Variants in SCLY observed in about 807,000 individuals in gnomAD.
The protein encoded by SCLY is putative selenocysteine lyase.
Under a neutral mutation model 50.1 loss-of-function variants are expected in SCLY, and 38 were observed. That is an observed-to-expected ratio of 0.76 (90% CI 0.59 to 0.99). The LOEUF is 0.99. Among genes scored for constraint, SCLY ranks in the 50% least tolerant of loss-of-function variants. The pLI is 0.00. For missense variants in SCLY, 600 were observed against 620.0 expected (o/e 0.97, Z 0.34); for synonymous variants, 243 against 249.4 (o/e 0.97, Z 0.24).
chr2:238,099,114 CATT>C lies in SCLY; in HGVS notation c.*764_*766del, dbSNP rs3841572. 231,421 of 390,082 alleles carry C rather than the reference CATT, an allele frequency of 0.59. 70,021 individuals carry two copies. Among genetic ancestry groups the C allele is most frequent in the Admixed American group, 0.64 (19,744 of 30,642 alleles). The allele number at this position is 390,082 out of a possible 1,614,324, so 24.2% of individuals were successfully genotyped here. A position where few individuals can be genotyped will look rare whatever the true frequency, so the allele number is the denominator to read the frequency against. On this transcript the variant is annotated 3_prime_UTR_variant, in exon 12 of 12. Transcript: ENST00000254663. The stretch of plus-strand genomic sequence containing the variant: ...GCCTTCCTGTCTTGTCCCTTTTGAT[CATT>C]ATTAACTCAGGGTTTCAGCTCCAAC...
rs1306262899 is a variant in SCLY at position 238,098,774 on chromosome 2, GAT to G, written c.*421_*422del. On this transcript the variant is annotated 3_prime_UTR_variant, in exon 12 of 12. Coordinates refer to ENST00000254663, the MANE Select transcript of SCLY (RefSeq NM_016510.7). Reference sequence around the variant, plus strand: ...TCCTGGAAGGTGTTTTTATCTGGAAGATAGAATCCAAGTATTTATAACTCATT... The same window carrying G: ...TCCTGGAAGGTGTTTTTATCTGGAAGAGAATCCAAGTATTTATAACTCATT... 5.4e-6 allele frequency: 2 copies of G among 370,422 alleles called. No homozygotes were observed. The highest frequency in any genetic ancestry group is 9.6e-6 in the Non-Finnish European group (2 of 208,164). The allele number at this position is 370,422 out of a possible 1,614,324, so 22.9% of individuals were successfully genotyped here. A position where few individuals can be genotyped will look rare whatever the true frequency, so the allele number is the denominator to read the frequency against.
intron 4 of SCLY, among the ~76,000 whole-genome samples, chr2:238,078,023 G>C (rs1481163695): frequency 1.3e-5 from 2 of 149,862 alleles, no homozygotes; most frequent in African/African-American, 2.5e-5. Context: ...GCACGATCTT[G>C]GCTCACTGCC....
intron 7 of SCLY, among the ~76,000 whole-genome samples, chr2:238,087,747 A>C (rs2065313389): frequency 6.6e-6 from 1 of 152,238 alleles, no homozygotes; most frequent in Non-Finnish European, 1.5e-5. Flanking sequence ...TTTTGATGCA[A>C]AAAATATTTA....
In SCLY at chr2:238,082,136, C is replaced by T; in HGVS notation, c.704C>T (p.Ala235Val). 1 of 1,613,098 alleles carries T rather than the reference C, an allele frequency of 6.2e-7. No individual in the cohort carries two copies. Among genetic ancestry groups the T allele is most frequent in the South Asian group, 1.1e-5 (1 of 91,040 alleles). ...CCCATCCTCGTGCACACGGATGCTG[C>T]ACAGGCCTTGGGGAAGCAGCGCGTG... The part of the protein sequence containing the change: ...LPPILVHTDA[A>V]QALGKQRVDV... The change falls in exon 6 of 12, where the codon GCA becomes GTA. Residue 235 changes from alanine (A) to valine (V), a missense_variant. Physicochemically the swap from Ala to Val is moderately conservative, Grantham distance 64. Coordinates refer to ENST00000254663, the MANE Select transcript of SCLY (RefSeq NM_016510.7).
Position 238,069,307 on chromosome 2 carries a change from T to C in SCLY, c.314T>C (p.Leu105Ser). 2 of 1,613,412 alleles carry C rather than the reference T, an allele frequency of 1.2e-6. No homozygotes were observed. The highest frequency in any genetic ancestry group is 1.7e-6 in the Non-Finnish European group (2 of 1,179,744). Residue 105 changes from leucine (L) to serine (S), a missense_variant, in exon 4 of 12, where the codon TTA (leucine) becomes TCA (serine). Transcript: ENST00000254663. This position sits in a 1 kb window ranked among gnomAD's most constrained non-coding sequence, Gnocchi z 5.0. ...GCTGTATCTCTGCAGTCAAATAATT[T>C]AGTAATCCATTCTGTGGTGAAACAT... Reference protein sequence around the residue: ...FTSGGTESNNLVIHSVVKHFH... With the variant: ...FTSGGTESNNSVIHSVVKHFH...
At position 238,069,355 on chromosome 2, in the gene SCLY, A is replaced by T. The variant is rs574084245; in HGVS notation, c.362A>T (p.Lys121Met). 3.1e-6 allele frequency: 5 copies of T among 1,614,178 alleles called. No homozygotes were observed. In the South Asian group the frequency reaches 5.5e-5, roughly 18 times the overall value. The change falls in exon 4 of 12, where the codon AAG (lysine) becomes ATG (methionine). Residue 121 changes from lysine to methionine, a missense_variant. Lys to Met is a moderately conservative substitution (Grantham distance 95). Transcript: ENST00000254663. This position sits in a 1 kb window ranked among gnomAD's most constrained non-coding sequence, Gnocchi z 5.0. ...CATTTCCACGCAAACCAGACCTCAAAGGGACACACAGGTGGGCACCACAGC... is the reference window on the plus strand; with the variant it reads ...CATTTCCACGCAAACCAGACCTCAATGGGACACACAGGTGGGCACCACAGC... ...VKHFHANQTS[K>M]GHTGGHHSPV...
At chr2:238,091,383 G>T in intron 8 of SCLY, 129 bp downstream of exon 8, 1 of 812,404 alleles carries the variant, frequency 1.2e-6, no homozygotes, top group Non-Finnish European at 2.2e-6. Context: ...ACAAGAAAAA[G>T]CCTGGAATCT....
intron 7 of SCLY, among the ~76,000 whole-genome samples, chr2:238,084,309 T>A (rs931705607): frequency 1.3e-5 from 2 of 152,152 alleles, no homozygotes; most frequent in Non-Finnish European, 2.9e-5. Context: ...AATCTAGATG[T>A]TGGCCAGGCA....
intron 7 of SCLY, among the ~76,000 whole-genome samples, chr2:238,087,762 A>C (rs922177471): frequency 6.6e-6 from 1 of 152,172 alleles, no homozygotes; most frequent in Non-Finnish European, 1.5e-5. Flanking sequence ...TATTTAACAA[A>C]ATGTTTACAA....
At chr2:238,095,582 T>A (rs986646764) in intron 10 of SCLY, 2 of 152,196 alleles carry the variant, frequency 1.3e-5, no homozygotes, top group African/African-American at 4.8e-5. Flanking sequence ...TGGGCTGAAA[T>A]GCGTTCTTGT....
At position 238,099,409 on chromosome 2, in the gene SCLY, C is replaced by A; in HGVS notation, c.*1054C>A. The A allele has an allele frequency of 2.2e-6, 1 of 452,534 alleles. No individual in the cohort carries two copies. The highest frequency in any genetic ancestry group is 1.6e-5 in the South Asian group (1 of 61,662). 28.0% of individuals were successfully genotyped at this position (452,534 alleles called of 1,614,324 possible). ...AATTAACGAATAAAAGATTTCAGTG[C>A]CCGACTTGGGGATCCTGTGGTTTCT... On this transcript the variant is annotated 3_prime_UTR_variant, in exon 12 of 12. Transcript: ENST00000254663.
chr2:238,077,285 T>A (rs778144126), intron 4 of SCLY, among the ~76,000 whole-genome samples: 1 of 152,384 alleles, frequency 6.6e-6, no homozygotes, highest in East Asian at 1.9e-4. Context: ...CCTTTTATTT[T>A]ATGTAAGTAT....
rs1369424066 is a variant in SCLY at position 238,067,578 on chromosome 2, C to A, written c.203-487C>A. Among the ~76,000 whole-genome samples the A allele has an allele frequency of 6.6e-6, 1 of 152,224 alleles. No individual in the cohort carries two copies. Among genetic ancestry groups the A allele is most frequent in the Non-Finnish European group, 1.5e-5 (1 of 68,042 alleles). On this transcript the variant is annotated intron_variant, in intron 2 of 11. Coordinates refer to ENST00000254663, the MANE Select transcript of SCLY (RefSeq NM_016510.7). This position sits in a 1 kb window ranked among gnomAD's most constrained non-coding sequence, Gnocchi z 4.3. Reference sequence around the variant, plus strand: ...AGCAGGTGTGTCCCTGAGACAGTAACCTTTGTAGCCCAGGTACCCTGTGGG... The same window carrying A: ...AGCAGGTGTGTCCCTGAGACAGTAAACTTTGTAGCCCAGGTACCCTGTGGG...
At chr2:238,076,926 G>A (rs2106442861) in intron 4 of SCLY, among the ~76,000 whole-genome samples, 1 of 152,256 alleles carries the variant, frequency 6.6e-6, no homozygotes, top group African/African-American at 2.4e-5. Context: ...GGAGGATAAT[G>A]TATATTCTGC....
At chr2:238,072,773 G>C (rs943592392) in intron 4 of SCLY, among the ~76,000 whole-genome samples, 15 of 152,168 alleles carry the variant, frequency 9.9e-5, no homozygotes, top group South Asian at 4.2e-4. Context: ...ATATATGCTT[G>C]ATACAAGTCC....
chr2:238,061,462 C>T (rs999475936), intron 1 of SCLY: 9 of 449,148 alleles, frequency 2.0e-5, no homozygotes, highest in East Asian at 5.7e-5. Context: ...GGGGACTTGC[C>T]GGAGGTGAAC....
chr2:238,093,853 G>A lies in SCLY; in HGVS notation c.922-8G>A. 1 of 1,612,646 alleles carries A rather than the reference G, an allele frequency of 6.2e-7. No homozygotes were observed. The highest frequency in any genetic ancestry group is 2.2e-5 in the East Asian group (1 of 44,864). ...TTGTGCATCCACTTGTTGTGTGTCT[G>A]CCCCCAGGCCGCGGAGCTGGTGACC... On this transcript the variant is annotated splice_region_variant and splice_polypyrimidine_tract_variant and intron_variant, in intron 8 of 11. Transcript: ENST00000254663.
chr2:238,071,384 A>G lies in SCLY; in HGVS notation c.484+1907A>G, dbSNP rs557442800. On this transcript the variant is annotated intron_variant, in intron 4 of 11. Coordinates refer to ENST00000254663, the MANE Select transcript of SCLY (RefSeq NM_016510.7). ...CACTTTGGGAGGCTGAGGCGGACAG[A>G]TCACTTGAGGTCAGGAATTTGAGAC... Among the ~76,000 whole-genome samples the G allele has an allele frequency of 2.3e-4, 35 of 152,308 alleles. No individual in the cohort carries two copies. In the South Asian group the frequency reaches 7.1e-3, roughly 31 times the overall value.
At chr2:238,063,556 G>T (rs1322022454) in intron 1 of SCLY, among the ~76,000 whole-genome samples, 1 of 152,148 alleles carries the variant, frequency 6.6e-6, no homozygotes, top group East Asian at 1.9e-4. Flanking sequence ...CAGGGCAGGG[G>T]GTCTCACAAG....
Sources: allele counts gnomAD v4.1 joint callset (sites outside exome capture counted in the v4.1 genomes callset), GRCh38; gene constraint gnomAD v4.1.1; non-coding constraint Gnocchi (gnomAD v3.1); transcripts MANE v1.5; gene names NCBI Gene and HGNC (gene_info 2026-07-23, HGNC 2026-07-21).